Variants in NLRP1 observed in about 807,000 individuals in gnomAD.
NLRP1 encodes the protein NLR family pyrin domain containing 1.
A neutral mutation model predicts 136.7 loss-of-function variants in NLRP1; 94 were observed. The observed-to-expected ratio is 0.69, with a 90% CI of 0.58 to 0.82. The LOEUF (loss-of-function observed/expected upper bound fraction) is 0.82. Among genes scored for constraint, NLRP1 ranks in the 40% least tolerant of loss-of-function variants. The probability of loss-of-function intolerance (pLI) is 0.00; values close to 1 mark genes in which losing one functional copy is unlikely to be tolerated. For synonymous variants in NLRP1, 690 were observed against 725.1 expected (o/e 0.95, Z 0.78); for missense variants, 1,575 against 1,802.7 (o/e 0.87, Z 2.29).
At chr17:5,545,898 C>T (rs2063153938) in intron 5 of NLRP1, among the ~76,000 whole-genome samples, 1 of 152,212 alleles carries the variant, frequency 6.6e-6, no homozygotes, top group Non-Finnish European at 1.5e-5. Context: ...CCCCAGGACT[C>T]ATCTCAGCAT....
At chr17:5,510,753 C>T (rs149989250), downstream of NLRP1, among the ~76,000 whole-genome samples, 1 of 152,234 alleles carries the variant, frequency 6.6e-6, no homozygotes, top group East Asian at 1.9e-4. Context: ...TCTCAAACTC[C>T]TGGTCTCAAT....
rs1182210933 is a variant in NLRP1, at chr17:5,537,873, C to T, written c.2871-933G>A. ...CATGGCCAAGCTCTGGGGAAAGGCT[C>T]TTCAGCATAAGGGAGGTAGTGATAG... On this transcript the variant is annotated intron_variant, in intron 7 of 16. Transcript: ENST00000572272. The surrounding 1 kb of genome is among the most constrained non-coding windows in gnomAD (Gnocchi z 4.5). Among the ~76,000 whole-genome samples, 1 of 152,184 alleles carries T rather than the reference C, an allele frequency of 6.6e-6. No individual in the cohort carries two copies. Among genetic ancestry groups the T allele is most frequent in the Non-Finnish European group, 1.5e-5 (1 of 68,032 alleles).
At chr17:5,540,574 G>C (rs543446239) in intron 6 of NLRP1, among the ~76,000 whole-genome samples, 2 of 152,300 alleles carry the variant, frequency 1.3e-5, no homozygotes, top group African/African-American at 4.8e-5. Context: ...GTCAGACCTG[G>C]CTTCAAATCC....
rs35006823 is a variant in NLRP1 at position 5,533,551 on chromosome 17, GTT to G, written c.3053-169_3053-168del. 4.6e-3 allele frequency among the ~76,000 whole-genome samples: 411 copies of G among 90,010 alleles called. 4 individuals carry two copies. Among genetic ancestry groups the G allele is most frequent in the Non-Finnish European group, 5.9e-3 (279 of 47,062 alleles). The allele number at this position is 90,010 out of a possible 152,430, so 59.1% of individuals were successfully genotyped here. Reference sequence around the variant, plus strand: ...AGCCTGAACACTAGAGTGAGACTCTGTTTTTTTTTTTTTTTTTTTTTTTTTAG... The same window carrying G: ...AGCCTGAACACTAGAGTGAGACTCTGTTTTTTTTTTTTTTTTTTTTTTTAG... On this transcript the variant is annotated intron_variant, in intron 9 of 16. Coordinates refer to ENST00000572272, the MANE Select transcript of NLRP1 (RefSeq NM_033004.4).
At chr17:5,523,443 T>C (rs935509934) in intron 12 of NLRP1, among the ~76,000 whole-genome samples, 2 of 152,236 alleles carry the variant, frequency 1.3e-5, no homozygotes, top group African/African-American at 4.8e-5. Flanking sequence ...CCTTGGTTTC[T>C]CTGAGTCATT....
intron 15 of NLRP1, among the ~76,000 whole-genome samples, chr17:5,506,902 CAAAAAAAAAAAAAA>C (rs199684717): frequency 1.1e-5 from 1 of 88,788 alleles, no homozygotes; most frequent in African/African-American, 3.6e-5. Context: ...AACTCCATCT[CAAAAAAAAAAAAAA>C]AAAAAAAAAA....
intron 5 of NLRP1, among the ~76,000 whole-genome samples, chr17:5,544,990 C>T (rs746046651): frequency 1.1e-4 from 16 of 152,036 alleles, no homozygotes; most frequent in Non-Finnish European, 1.9e-4. Flanking sequence ...GAAGGTGGGG[C>T]CTGGTTATCC....
downstream of NLRP1, chr17:5,512,569 G>A (rs1907712513): frequency 1.9e-6 from 1 of 529,820 alleles, no homozygotes; most frequent in Non-Finnish European, 3.5e-6. Flanking sequence ...AGGTCTGCAT[G>A]TGGTAAAGGA....
At chr17:5,535,391 A>T (rs1910915180) in intron 8 of NLRP1, among the ~76,000 whole-genome samples, 1 of 152,100 alleles carries the variant, frequency 6.6e-6, no homozygotes, top group African/African-American at 2.4e-5. Context: ...CTGGCCTCCC[A>T]TTCCTCCAGG....
intron 15 of NLRP1, among the ~76,000 whole-genome samples, chr17:5,506,184 T>C (rs1249369601): frequency 1.3e-5 from 2 of 149,978 alleles, no homozygotes; most frequent in Admixed American, 6.7e-5. Context: ...CCCGAGAGGC[T>C]GAGGCAGGAG....
chr17:5,519,103 T>C (rs909596770), intron 14 of NLRP1, among the ~76,000 whole-genome samples: 2 of 150,822 alleles, frequency 1.3e-5, no homozygotes, highest in African/African-American at 2.4e-5. Context: ...CCCAGGTTCA[T>C]GCCATTCTCC....
rs1908941669 is a variant in NLRP1 at position 5,521,804 on chromosome 17, G to GA, written c.3521-19dup. The GA allele has an allele frequency of 6.4e-7, 1 of 1,568,990 alleles. No homozygotes were observed. Among genetic ancestry groups the GA allele is most frequent in the Admixed American group, 2.0e-5 (1 of 51,206 alleles). On this transcript the variant is annotated intron_variant, in intron 12 of 16. Transcript: ENST00000572272. Reference sequence around the variant, plus strand: ...ATGGCCCCCTGTAAAAGAATGGATTGAAGAGGCACAGGTTTATTTTTATTT... The same window carrying GA: ...ATGGCCCCCTGTAAAAGAATGGATTGAAAGAGGCACAGGTTTATTTTTATTT...
At chr17:5,530,065 G>C in intron 12 of NLRP1, 1 of 457,728 alleles carries the variant, frequency 2.2e-6, no homozygotes, top group South Asian at 1.5e-5. Flanking sequence ...CTGCCTGTAG[G>C]AGTAGTGATG....
Position 5,560,038 on chromosome 17 carries a change from T to C in NLRP1, c.658A>G (p.Arg220Gly), listed in dbSNP as rs1914551163. 1 of 1,555,182 alleles carries C rather than the reference T, an allele frequency of 6.4e-7. No individual in the cohort carries two copies. The highest frequency in any genetic ancestry group is 8.7e-7 in the Non-Finnish European group (1 of 1,155,124). The change falls in exon 4 of 17, where the codon AGA becomes GGA. Residue 220 changes from arginine (R) to glycine (G), a missense_variant. By Grantham distance (125) the Arg-to-Gly change is moderately radical. Coordinates refer to ENST00000572272, the MANE Select transcript of NLRP1 (RefSeq NM_033004.4). The part of the protein sequence containing the change: ...ETSGIYYTEI[R>G]EREREKSEKG... ...TCTGATTTCTCTCTCTCTCTTTCTCTGATTTCTAAGTAAGGGAGGGAAAGA... is the reference window on the plus strand; with the variant it reads ...TCTGATTTCTCTCTCTCTCTTTCTCCGATTTCTAAGTAAGGGAGGGAAAGA...
At chr17:5,533,015 A>C in intron 10 of NLRP1, 31 bp from the exon 11 acceptor site, 1 of 1,591,482 alleles carries the variant, frequency 6.3e-7, no homozygotes, top group Non-Finnish European at 8.5e-7. Flanking sequence ...TCAGCTCCAG[A>C]TTCTCCCGCC....
rs373530609 is a variant in NLRP1, at chr17:5,558,481, C to A, written c.2215G>T (p.Glu739Ter). 14 of 1,614,030 alleles carry A rather than the reference C, an allele frequency of 8.7e-6. No individual in the cohort carries two copies. The highest frequency in any genetic ancestry group is 7.6e-6 in the Non-Finnish European group (9 of 1,179,982). ...TFLTQVMAHF[E>*]EMGMCVETDM... Reference sequence around the variant, plus strand: ...GTTTCTACACACATGCCCATTTCTTCGAAATGGGCCATCACTTGTGTCAGG... The same window carrying A: ...GTTTCTACACACATGCCCATTTCTTAGAAATGGGCCATCACTTGTGTCAGG... The change falls in exon 4 of 17, where the codon GAA (glutamate) becomes TAA (stop). Residue 739 changes from glutamate (E) to a stop codon, truncating the protein, a stop_gained. Coordinates refer to ENST00000572272, the MANE Select transcript of NLRP1 (RefSeq NM_033004.4). LOFTEE classifies it high-confidence loss of function.
intron 15 of NLRP1, among the ~76,000 whole-genome samples, chr17:5,507,830 C>T (rs1261070153): frequency 6.6e-6 from 1 of 151,670 alleles, no homozygotes; most frequent in Non-Finnish European, 1.5e-5. Context: ...GACTCCGTCT[C>T]AAAAAAGAAA....
At chr17:5,526,700 G>C (rs913366947) in intron 12 of NLRP1, among the ~76,000 whole-genome samples, 1 of 152,222 alleles carries the variant, frequency 6.6e-6, no homozygotes, top group Non-Finnish European at 1.5e-5. Flanking sequence ...CCTGAGCTCA[G>C]CAGGGCTTGG....
chr17:5,566,417 A>T lies in NLRP1; in HGVS notation c.653-6374T>A, dbSNP rs915580862. ...TATTTTGTTCTTAATTTCTTCATTG[A>T]CCCACTGGTCACTCAGGAGCATATT... On this transcript the variant is annotated intron_variant, in intron 3 of 16. Transcript: ENST00000572272. 4.6e-5 allele frequency among the ~76,000 whole-genome samples: 7 copies of T among 152,000 alleles called. No homozygotes were observed. The South Asian group carries it at 1.0e-3, about 23-fold the overall frequency.
Sources: gnomAD v4.1 joint callset for allele counts (sites outside exome capture counted in the v4.1 genomes callset) on GRCh38, gnomAD v4.1.1 for gene constraint, Gnocchi (gnomAD v3.1) non-coding constraint, MANE v1.5 for transcripts, NCBI Gene and HGNC (gene_info 2026-07-23, HGNC 2026-07-21) for gene names.